Variants in HS3ST5 observed in about 807,000 individuals in gnomAD.
The protein encoded by HS3ST5 is heparan sulfate-glucosamine 3-sulfotransferase 5, also known as heparan sulfate glucosamine 3-O-sulfotransferase 5.
HS3ST5 carries 10 observed loss-of-function variants against 25.4 expected under a neutral mutation model. That is an observed-to-expected ratio of 0.39 (90% CI 0.24 to 0.67). The LOEUF (loss-of-function observed/expected upper bound fraction) is 0.67, where lower values mean the gene tolerates loss of function less well. Ranked by LOEUF, HS3ST5 falls within the 30% of genes least tolerant of loss-of-function variation. The pLI is 0.44. For missense variants in HS3ST5, 324 were observed against 420.7 expected (o/e 0.77, Z 2.01); for synonymous variants, 170 against 162.4 (o/e 1.05, Z -0.36).
chr6:114,175,896 C>T (rs1484490074), intron 2 of HS3ST5, among the ~76,000 whole-genome samples: 1 of 152,074 alleles, frequency 6.6e-6, no homozygotes, highest in East Asian at 1.9e-4. Flanking sequence ...ATTTTTTAGT[C>T]TTCAGCTTTT....
intron 2 of HS3ST5, among the ~76,000 whole-genome samples, chr6:114,219,337 A>G (rs1455041035): frequency 6.6e-6 from 1 of 152,234 alleles, no homozygotes; most frequent in Non-Finnish European, 1.5e-5. Flanking sequence ...AGGTTTACGT[A>G]GAGGGGACGT....
intron 2 of HS3ST5, among the ~76,000 whole-genome samples, chr6:114,200,547 G>A (rs1252436464): frequency 1.3e-5 from 2 of 152,106 alleles, no homozygotes; most frequent in African/African-American, 2.4e-5. Flanking sequence ...CCTTTGTGGA[G>A]GGGATTTCTG....
intron 1 of HS3ST5, among the ~76,000 whole-genome samples, chr6:114,284,886 C>T (rs1774271430): frequency 1.3e-5 from 2 of 151,896 alleles, no homozygotes; most frequent in Non-Finnish European, 2.9e-5. Flanking sequence ...AGAAAAAAGA[C>T]TGAGAAAATA....
chr6:114,290,324 G>T (rs181837458), intron 1 of HS3ST5, among the ~76,000 whole-genome samples: 2 of 152,196 alleles, frequency 1.3e-5, no homozygotes, highest in East Asian at 3.9e-4. Flanking sequence ...AAGACAAAAG[G>T]TTCAATCTAT....
chr6:114,296,195 T>G (rs926606918), intron 1 of HS3ST5, among the ~76,000 whole-genome samples: 1 of 152,214 alleles, frequency 6.6e-6, no homozygotes, highest in Non-Finnish European at 1.5e-5. Flanking sequence ...AAAGGCATGT[T>G]ATGGCCCACT....
chr6:114,133,349 G>A (rs910887817), intron 3 of HS3ST5, among the ~76,000 whole-genome samples: 15 of 152,190 alleles, frequency 9.9e-5, no homozygotes, highest in African/African-American at 3.6e-4. Flanking sequence ...GTTCCTCAGA[G>A]GACACCAATG....
chr6:114,244,540 T>A (rs765708595), intron 1 of HS3ST5, among the ~76,000 whole-genome samples: 7 of 152,128 alleles, frequency 4.6e-5, no homozygotes, highest in Admixed American at 2.0e-4. Flanking sequence ...AAATGTTAGG[T>A]GAAATATTTG....
chr6:114,155,880 C>T (rs767196344), intron 3 of HS3ST5, among the ~76,000 whole-genome samples: 9 of 152,064 alleles, frequency 5.9e-5, no homozygotes, highest in Non-Finnish European at 1.0e-4. Context: ...AACTAATTTG[C>T]TAGGCTTCTA....
At chr6:114,069,516 A>AT (rs373504728) in intron 3 of HS3ST5, among the ~76,000 whole-genome samples, 13,515 of 130,672 alleles carry the variant, frequency 0.1, 859 homozygotes, top group East Asian at 0.15. Context: ...ACATGGGAGA[A>AT]TTTTTTTTTT....
At chr6:114,171,932 C>T (rs893867422) in intron 2 of HS3ST5, among the ~76,000 whole-genome samples, 1 of 152,114 alleles carries the variant, frequency 6.6e-6, no homozygotes, top group Non-Finnish European at 1.5e-5. Flanking sequence ...TCTTAGTGTC[C>T]TTTTATACAA....
intron 1 of HS3ST5, among the ~76,000 whole-genome samples, chr6:114,250,408 C>T (rs1011380419): frequency 2.4e-4 from 37 of 151,966 alleles, no homozygotes; most frequent in Non-Finnish European, 3.5e-4. Context: ...GGTGAAACCC[C>T]GTCTCTACTA....
At chr6:114,092,317 G>A (rs1343036514) in intron 3 of HS3ST5, among the ~76,000 whole-genome samples, 1 of 152,232 alleles carries the variant, frequency 6.6e-6, no homozygotes, top group South Asian at 2.1e-4. Flanking sequence ...ATGGGTGAAT[G>A]AAGCGGGGCC....
chr6:114,265,405 A>G (rs1260268909), intron 1 of HS3ST5, among the ~76,000 whole-genome samples: 1 of 152,184 alleles, frequency 6.6e-6, no homozygotes, highest in African/African-American at 2.4e-5. Context: ...ATTGGATCCT[A>G]GATGGCAGGG....
chr6:114,058,383 G>T (rs1772899458), intron 4 of HS3ST5, among the ~76,000 whole-genome samples, 193 bp from the exon 5 acceptor site: 1 of 152,184 alleles, frequency 6.6e-6, no homozygotes, highest in Non-Finnish European at 1.5e-5. Flanking sequence ...CATAATTGAT[G>T]AATTTTTTTA....
chr6:114,152,529 A>G (rs1212025384), intron 3 of HS3ST5, among the ~76,000 whole-genome samples: 1 of 152,162 alleles, frequency 6.6e-6, no homozygotes, highest in Non-Finnish European at 1.5e-5. Context: ...GCTAAGCAGA[A>G]ACTGGTTTTT....
intron 1 of HS3ST5, among the ~76,000 whole-genome samples, chr6:114,270,943 GT>G (rs545077565): frequency 0.029 from 4,386 of 149,610 alleles, 97 homozygotes; most frequent in Middle Eastern, 0.075. Context: ...TAGGTTCCAT[GT>G]TTTTTTTTTA....
intron 1 of HS3ST5, among the ~76,000 whole-genome samples, chr6:114,282,450 C>G (rs1376907740): frequency 1.3e-5 from 2 of 151,868 alleles, no homozygotes; most frequent in South Asian, 2.1e-4. Context: ...AATGCTACCC[C>G]ACAGCATCCC....
chr6:114,335,402 C>T (rs963081592), intron 1 of HS3ST5, among the ~76,000 whole-genome samples: 7 of 151,892 alleles, frequency 4.6e-5, no homozygotes, highest in African/African-American at 1.7e-4. Context: ...TAGCTTTTCC[C>T]TTTATACACT....
At chr6:114,323,635 T>C (rs1025377783) in intron 1 of HS3ST5, among the ~76,000 whole-genome samples, 7 of 152,204 alleles carry the variant, frequency 4.6e-5, no homozygotes, top group African/African-American at 1.4e-4. Context: ...ATTATGAAGA[T>C]AACATATAAT....
Sources: allele counts gnomAD v4.1 joint callset (sites outside exome capture counted in the v4.1 genomes callset), GRCh38; gene constraint gnomAD v4.1.1; transcripts MANE v1.5; gene names NCBI Gene and HGNC (gene_info 2026-07-23, HGNC 2026-07-21).